The following RFC1 variants were observed in gnomAD, a reference collection of about 807,000 sequenced individuals.
RFC1 encodes replication factor C subunit 1.
In RFC1, 37 loss-of-function variants were observed where a neutral mutation model predicts 137.4. The ratio of observed to expected loss-of-function variants is 0.27; its 90% confidence interval spans 0.21 to 0.35. RFC1 has a LOEUF of 0.35. RFC1 is among the 10% of genes least tolerant of loss of function. RFC1 has a pLI of 1.00. For missense variants in RFC1, 1,205 were observed against 1,358.5 expected (o/e 0.89, Z 1.78); for synonymous variants, 429 against 455.7 (o/e 0.94, Z 0.75).
chr4:39,359,652 C>G (rs1237665179), intron 1 of RFC1, among the ~76,000 whole-genome samples: 1 of 151,982 alleles, frequency 6.6e-6, no homozygotes, highest in Non-Finnish European at 1.5e-5. Context: ...GAAACCCCAT[C>G]TCTACTAAAA....
intron 9 of RFC1, among the ~76,000 whole-genome samples, chr4:39,317,468 C>G (rs1443300743): frequency 6.6e-6 from 1 of 152,276 alleles, no homozygotes; most frequent in Non-Finnish European, 1.5e-5. Context: ...AAAGCACCAG[C>G]CTGCATCCCT....
At chr4:39,326,116 C>T (rs1739751397) in intron 6 of RFC1, among the ~76,000 whole-genome samples, 1 of 152,156 alleles carries the variant, frequency 6.6e-6, no homozygotes, top group Non-Finnish European at 1.5e-5. Context: ...AGGAGAATCA[C>T]TTGATTCCCA....
intron 12 of RFC1, among the ~76,000 whole-genome samples, chr4:39,309,613 C>T (rs767607485): frequency 2.6e-5 from 4 of 152,202 alleles, no homozygotes; most frequent in Admixed American, 6.5e-5. Flanking sequence ...ACACGTGAAA[C>T]GTCCAGCATA....
At chr4:39,319,089 A>T (rs1281682484) in intron 9 of RFC1, among the ~76,000 whole-genome samples, 1 of 152,234 alleles carries the variant, frequency 6.6e-6, no homozygotes, top group East Asian at 1.9e-4. Flanking sequence ...AAAAAGAGTA[A>T]ATTTAGGACT....
intron 4 of RFC1, among the ~76,000 whole-genome samples, chr4:39,330,130 C>T (rs560752388): frequency 3.9e-4 from 59 of 152,154 alleles, no homozygotes; most frequent in African/African-American, 1.3e-3. Context: ...TATGCAAAGC[C>T]ACATATGAGT....
chr4:39,325,651 G>A (rs948563625), intron 6 of RFC1, among the ~76,000 whole-genome samples: 4 of 152,110 alleles, frequency 2.6e-5, no homozygotes, highest in Admixed American at 6.5e-5. Flanking sequence ...CCAAAGTGCT[G>A]GGATTACAGG....
chr4:39,303,294 T>C, intron 15 of RFC1, 143 bp from the exon 16 acceptor site: 1 of 474,940 alleles, frequency 2.1e-6, no homozygotes, highest in South Asian at 3.6e-5. Context: ...AGAGTGTTGT[T>C]AAAGAAAAAA....
At chr4:39,322,775 T>C (rs979544287) in intron 7 of RFC1, among the ~76,000 whole-genome samples, 1 of 148,206 alleles carries the variant, frequency 6.7e-6, no homozygotes, top group Non-Finnish European at 1.5e-5. Context: ...TGAGACCTTG[T>C]CTCAAAAAAA....
intron 4 of RFC1, among the ~76,000 whole-genome samples, chr4:39,329,125 C>CAAAAAAAAAAAAAAAAAAAAAA (rs1739940741): frequency 3.9e-4 from 1 of 2,546 alleles, no homozygotes. Context: ...TTCAGTGACT[C>CAAAAAAAAAAAAAAAAAAAAAA]ACAAAAAAAA....
chr4:39,300,506 T>G, intron 19 of RFC1, 92 bp from the exon 20 acceptor site: 1 of 914,632 alleles, frequency 1.1e-6, no homozygotes, highest in Non-Finnish European at 1.7e-6. Flanking sequence ...ACAAGAGGAA[T>G]TCCATTCATT....
intron 3 of RFC1, 88 bp from the exon 4 acceptor site, chr4:39,342,555 C>T: frequency 7.6e-7 from 1 of 1,319,136 alleles, no homozygotes; most frequent in African/African-American, 1.5e-5. Context: ...GAACCAATTC[C>T]TCAAGGTCTT....
chr4:39,292,631 T>C (rs1014383622), intron 22 of RFC1, among the ~76,000 whole-genome samples: 1 of 149,668 alleles, frequency 6.7e-6, no homozygotes, highest in Non-Finnish European at 1.5e-5. Context: ...TATTTATTTA[T>C]TTATTTATTT....
At chr4:39,361,964 G>A (rs566823416) in intron 1 of RFC1, among the ~76,000 whole-genome samples, 219 of 152,242 alleles carry the variant, frequency 1.4e-3, no homozygotes, top group African/African-American at 5.0e-3. Flanking sequence ...GGGTGAACCC[G>A]GGAGGCGGAG....
At chr4:39,288,919 A>C (rs1272758355) in intron 24 of RFC1, 75 bp from the exon 25 acceptor site, 4 of 937,660 alleles carry the variant, frequency 4.3e-6, no homozygotes, top group Non-Finnish European at 6.7e-6. Flanking sequence ...CTCTATAACA[A>C]ATCTAATCTT....
intron 1 of RFC1, 79 bp downstream of exon 1, chr4:39,366,160 T>C (rs1742016701): frequency 2.7e-6 from 4 of 1,473,242 alleles, no homozygotes; most frequent in Non-Finnish European, 3.7e-6. Context: ...CCACCCTGCA[T>C]ACCAGGAGTG....
At chr4:39,292,630 A>G (rs1018297452) in intron 22 of RFC1, among the ~76,000 whole-genome samples, 3 of 149,290 alleles carry the variant, frequency 2.0e-5, no homozygotes, top group African/African-American at 7.4e-5. Flanking sequence ...TTATTTATTT[A>G]TTTATTTATT....
intron 4 of RFC1, among the ~76,000 whole-genome samples, chr4:39,329,016 C>T (rs749943241): frequency 1.3e-4 from 19 of 147,526 alleles, no homozygotes; most frequent in Non-Finnish European, 2.4e-4. Flanking sequence ...TTCCACAAAA[C>T]ATCTGGCTTT....
At position 39,344,922 on chromosome 4, in the gene RFC1, G is replaced by A. The variant is rs527391980; in HGVS notation, c.208+479C>T. ...TTCTGATAAGTTCTATAATAAAATT[G>A]TTTGAAATTTTACTTGAGCATACAG... is the stretch of plus-strand genomic sequence containing the variant. On this transcript the variant is annotated intron_variant, in intron 3 of 24. Coordinates refer to ENST00000349703, the MANE Select transcript of RFC1 (RefSeq NM_002913.5). Among the ~76,000 whole-genome samples the A allele has an allele frequency of 7.2e-5, 11 of 152,152 alleles. No homozygotes were observed. The South Asian group carries it at 2.3e-3, about 32-fold the overall frequency.
chr4:39,328,393 T>C (rs1382212362), intron 4 of RFC1, among the ~76,000 whole-genome samples: 1 of 152,030 alleles, frequency 6.6e-6, no homozygotes, highest in Non-Finnish European at 1.5e-5. Flanking sequence ...AATAAACAAA[T>C]ATACACTGTC....
Sources: gnomAD v4.1 joint callset for allele counts (sites outside exome capture counted in the v4.1 genomes callset) on GRCh38, gnomAD v4.1.1 for gene constraint, MANE v1.5 for transcripts, NCBI Gene and HGNC (gene_info 2026-07-23, HGNC 2026-07-21) for gene names.